BAZ2B: variants seen among roughly 807,000 people sequenced by gnomAD.
The protein encoded by BAZ2B is bromodomain adjacent to zinc finger domain 2B.
BAZ2B carries 91 observed loss-of-function variants against 246.0 expected under a neutral mutation model. The observed-to-expected ratio is 0.37, with a 90% CI of 0.31 to 0.44. The LOEUF (loss-of-function observed/expected upper bound fraction) is 0.44. Among genes scored for constraint, BAZ2B ranks in the 20% least tolerant of loss-of-function variants. The pLI is 1.00. For missense variants in BAZ2B, 2,332 were observed against 2,533.7 expected (o/e 0.92, Z 1.71); for synonymous variants, 855 against 860.0 (o/e 0.99, Z 0.10).
At chr2:159,355,430 T>A (rs552735709) in intron 27 of BAZ2B, among the ~76,000 whole-genome samples, 1 of 152,300 alleles carries the variant, frequency 6.6e-6, no homozygotes, top group East Asian at 1.9e-4. Flanking sequence ...GGATTGTTCC[T>A]TTCCAGGCTG....
At chr2:159,619,923 G>C (rs1368418432), upstream of BAZ2B, among the ~76,000 whole-genome samples, 1 of 152,110 alleles carries the variant, frequency 6.6e-6, no homozygotes, top group Admixed American at 6.5e-5. Flanking sequence ...ATCTGTATTA[G>C]TGCTTCATCA....
intron 1 of BAZ2B, among the ~76,000 whole-genome samples, chr2:159,610,107 C>T (rs1327608463): frequency 6.6e-6 from 1 of 152,126 alleles, no homozygotes; most frequent in East Asian, 1.9e-4. Context: ...ATCATTGGTA[C>T]ATTCCTATAA....
At chr2:159,397,415 G>A (rs1341259230) in intron 18 of BAZ2B, 26 bp from the exon 19 acceptor site, 6 of 1,414,594 alleles carry the variant, frequency 4.2e-6, no homozygotes, top group Non-Finnish European at 5.8e-6. Flanking sequence ...CTTTTAATAC[G>A]TGATTTTTAG....
intron 2 of BAZ2B, among the ~76,000 whole-genome samples, chr2:159,480,172 G>C (rs1356756988): frequency 6.6e-6 from 1 of 151,912 alleles, no homozygotes; most frequent in African/African-American, 2.4e-5. Context: ...AGTGAGTTTA[G>C]GAAAAAGCTA....
At chr2:159,462,161 TA>T (rs571978544) in intron 3 of BAZ2B, 4,542 of 316,358 alleles carry the variant, frequency 0.014, no homozygotes, top group East Asian at 0.021. Context: ...GTGGCAGAAT[TA>T]AAAAAAAAAG....
intron 2 of BAZ2B, among the ~76,000 whole-genome samples, chr2:159,494,951 C>G (rs1459222468): frequency 6.6e-6 from 1 of 152,002 alleles, no homozygotes; most frequent in Non-Finnish European, 1.5e-5. Context: ...CAGATTCTTA[C>G]TAGTAAGAAA....
chr2:159,643,790 C>T, the BAZ2B span, among the ~76,000 whole-genome samples: 4 of 148,668 alleles, frequency 2.7e-5, no homozygotes, highest in East Asian at 4.0e-4. Context: ...GCAGGAGAAT[C>T]GCTTGAACCC....
At chr2:159,692,259 A>G in the BAZ2B span, among the ~76,000 whole-genome samples, 1 of 151,940 alleles carries the variant, frequency 6.6e-6, no homozygotes, top group Non-Finnish European at 1.5e-5. Context: ...GGTTCAAGCG[A>G]TTCTCCTGCC....
intron 25 of BAZ2B, among the ~76,000 whole-genome samples, chr2:159,381,507 G>A (rs1294811038): frequency 1.3e-5 from 2 of 151,982 alleles, no homozygotes; most frequent in Non-Finnish European, 2.9e-5. Context: ...TTCAAGTCCT[G>A]CCCATTCTTC....
Position 159,523,212 on chromosome 2 carries a change from G to A in BAZ2B, c.-3+32611C>T, listed in dbSNP as rs544640159. Among the ~76,000 whole-genome samples the A allele has an allele frequency of 6.9e-4, 105 of 152,216 alleles. 1 individual carries two copies. Among genetic ancestry groups the A allele is most frequent in the Middle Eastern group, 6.8e-3 (2 of 294 alleles). Reference sequence around the variant, plus strand: ...GAGGCCAGGAGTTCTAGGCCAGCCTGGGTAATAGTGAGACCTGGTCTCTAC... The same window carrying A: ...GAGGCCAGGAGTTCTAGGCCAGCCTAGGTAATAGTGAGACCTGGTCTCTAC... On this transcript the variant is annotated intron_variant, in intron 2 of 36. Coordinates refer to ENST00000392783, the MANE Select transcript of BAZ2B (RefSeq NM_013450.4).
chr2:159,423,869 A>G (rs60305386), intron 13 of BAZ2B, among the ~76,000 whole-genome samples: 59,303 of 152,088 alleles, frequency 0.39, 12,371 homozygotes, highest in Non-Finnish European at 0.49. Context: ...TGAGCGGGGA[A>G]AGTGGTGGCG....
intron 27 of BAZ2B, among the ~76,000 whole-genome samples, chr2:159,352,855 A>G (rs1008864539): frequency 2.0e-5 from 3 of 152,174 alleles, no homozygotes; most frequent in African/African-American, 7.2e-5. Context: ...CAGTGGCTCA[A>G]TAAACCAGGC....
intron 2 of BAZ2B, among the ~76,000 whole-genome samples, chr2:159,537,198 T>G (rs2086107673): frequency 6.6e-6 from 1 of 152,230 alleles, no homozygotes; most frequent in Admixed American, 6.5e-5. Flanking sequence ...ACGAGGTACT[T>G]ACAGTAGTCA....
chr2:159,539,654 C>T lies in BAZ2B; in HGVS notation c.-3+16169G>A, dbSNP rs186787740. Among the ~76,000 whole-genome samples, 404 of 152,312 alleles carry T rather than the reference C, an allele frequency of 2.7e-3. 2 individuals carry two copies. The highest frequency in any genetic ancestry group is 4.4e-3 in the Admixed American group (68 of 15,296). ...GGAGTCAAAGGCTGAGATAAGAGGA[C>T]TGCTTGAGCCCAGGAGTTCAAGACC... On this transcript the variant is annotated intron_variant, in intron 2 of 36. Transcript: ENST00000392783.
chr2:159,505,308 T>G (rs1309307762), intron 2 of BAZ2B, among the ~76,000 whole-genome samples: 1 of 152,196 alleles, frequency 6.6e-6, no homozygotes, highest in African/African-American at 2.4e-5. Context: ...ATGTAATGAT[T>G]CACAAGCCTG....
chr2:159,437,922 A>T (rs939105362), intron 8 of BAZ2B: 3 of 165,010 alleles, frequency 1.8e-5, no homozygotes, highest in Non-Finnish European at 3.8e-5. Context: ...GCCTCAAAAA[A>T]AAAAAATAAA....
chr2:159,581,069 G>C, intron 1 of BAZ2B, among the ~76,000 whole-genome samples: 1 of 152,072 alleles, frequency 6.6e-6, no homozygotes, highest in East Asian at 1.9e-4. Context: ...TGACAAATGG[G>C]ATCTAATTAA....
chr2:159,566,564 C>G (rs1682643953), intron 1 of BAZ2B, among the ~76,000 whole-genome samples: 1 of 152,196 alleles, frequency 6.6e-6, no homozygotes, highest in African/African-American at 2.4e-5. Context: ...AATTCACCAC[C>G]TTACAACAGG....
the BAZ2B span, among the ~76,000 whole-genome samples, chr2:159,648,604 C>T: frequency 6.6e-6 from 1 of 152,280 alleles, no homozygotes; most frequent in African/African-American, 2.4e-5. Context: ...TGGCTTCTTC[C>T]ATTCAGTATA....
Sources: gnomAD v4.1 joint callset for allele counts (sites outside exome capture counted in the v4.1 genomes callset) on GRCh38, gnomAD v4.1.1 for gene constraint, MANE v1.5 for transcripts, NCBI Gene and HGNC (gene_info 2026-07-23, HGNC 2026-07-21) for gene names.